The following RBIS variants were observed in gnomAD, a reference collection of about 807,000 sequenced individuals.
RBIS encodes the protein ribosome biogenesis factor identified in screen.
In RBIS, 9 loss-of-function variants were observed where a neutral mutation model predicts 9.8. That is an observed-to-expected ratio of 0.92 (90% confidence interval 0.56 to 1.61). The LOEUF is 1.61. RBIS is among the 40% of genes most tolerant of loss of function. The pLI, the probability that RBIS is intolerant of heterozygous loss-of-function variation, is 0.00. For missense variants in RBIS, 103 were observed against 116.0 expected, an observed-to-expected ratio of 0.89 and a Z score of 0.51; for synonymous variants, 35 against 37.9, an observed-to-expected ratio of 0.92 and a Z score of 0.28.
At chr8:85,216,900 GA>G (rs764049672) in intron 2 of RBIS, 2 of 161,654 alleles carry the variant, frequency 1.2e-5, no homozygotes, top group African/African-American at 2.4e-5. Flanking sequence ...TATAAACAAA[GA>G]AAAGAAACCC....
At position 85,214,592 on chromosome 8, in the gene RBIS, CAACATT is replaced by C. The variant is rs112611553; in HGVS notation, c.265_270del (p.Asn89_Val90del). The C allele has an allele frequency of 3.3e-3, 5,292 of 1,585,558 alleles. 15 individuals are homozygous for C. The highest frequency in any genetic ancestry group is 0.011 in the Middle Eastern group (69 of 6,008). On this transcript the variant is annotated inframe_deletion, in exon 4 of 4. Coordinates refer to ENST00000619594, the MANE Select transcript of RBIS (RefSeq NM_001099673.3). ...AGAGCCATTAATCTTGTAGCTTCAT[CAACATT>C]AACTGGTTTGCTTTCATGACGCTGC...
chr8:85,216,287 C>T (rs562870790), intron 2 of RBIS: 1 of 152,298 alleles, frequency 6.6e-6, no homozygotes, highest in Non-Finnish European at 1.5e-5. Context: ...CCTCGCAGTC[C>T]TCCTCTTGAG....
intron 2 of RBIS, 193 bp downstream of exon 2, chr8:85,217,193 T>C (rs1813185139): frequency 1.5e-6 from 1 of 651,038 alleles, no homozygotes; most frequent in Non-Finnish European, 2.7e-6. Flanking sequence ...TTTTCAACAT[T>C]TGTTTTCAAG....
intron 1 of RBIS, chr8:85,219,331 C>T (rs1339450018): frequency 1.3e-5 from 2 of 152,146 alleles, no homozygotes; most frequent in Non-Finnish European, 2.9e-5. Flanking sequence ...ACTGAAACAG[C>T]AATGCTTTTG....
At chr8:85,218,882 CCATT>C (rs1363947742) in intron 1 of RBIS, 1 of 152,172 alleles carries the variant, frequency 6.6e-6, no homozygotes. Flanking sequence ...ACAGTTATGT[CCATT>C]CAATCATATG....
chr8:85,217,300 A>C, intron 2 of RBIS, 86 bp downstream of exon 2: 1 of 822,896 alleles, frequency 1.2e-6, no homozygotes, highest in Non-Finnish European at 2.1e-6. Flanking sequence ...AACCTTTTTA[A>C]AAAGTAATAG....
At chr8:85,216,263 C>G (rs1364093532) in intron 2 of RBIS, 1 of 152,212 alleles carries the variant, frequency 6.6e-6, no homozygotes, top group Non-Finnish European at 1.5e-5. Context: ...TGGAAGACCC[C>G]TGATGACAGC....
Position 85,214,933 on chromosome 8 carries a change from C to A in RBIS, c.219G>T (p.Leu73=). 1 of 1,560,970 alleles carries A rather than the reference C, an allele frequency of 6.4e-7. No homozygotes were observed. The highest frequency in any genetic ancestry group is 1.4e-5 in the African/African-American group (1 of 73,360). Residue 73 remains leucine, a synonymous_variant, in exon 3 of 4, where the codon CTG becomes CTT. Coordinates refer to ENST00000619594, the MANE Select transcript of RBIS (RefSeq NM_001099673.3). The part of the protein sequence containing the change: ...HFAKSISLEP[L]QKELIPQQRH... ...GATTTCTGCTTACCAGTTCTTTCTG[C>A]AGAGGTTCAAGTGAAATGCTTTTTG...
rs554714958 is a variant in RBIS, at chr8:85,220,348, A to G, written c.-46T>C. The G allele has an allele frequency of 6.6e-6, 1 of 152,352 alleles. No homozygotes were observed. Among genetic ancestry groups the G allele is most frequent in the East Asian group, 1.9e-4 (1 of 5,180 alleles). 9.4% of individuals were successfully genotyped at this position (152,352 alleles called of 1,614,324 possible). A position where few individuals can be genotyped will look rare whatever the true frequency, so the allele number is the denominator to read the frequency against. On this transcript the variant is annotated 5_prime_UTR_variant, in exon 1 of 4. Coordinates refer to ENST00000619594, the MANE Select transcript of RBIS (RefSeq NM_001099673.3). ...CGTGCAGCTTTTTAAGCTCCAGGTA[A>G]CACCATCTGGCACGTACGGCGTCTA...
intron 2 of RBIS, 149 bp downstream of exon 2, chr8:85,217,237 A>AT (rs767517637): frequency 7.5e-6 from 5 of 665,342 alleles, no homozygotes; most frequent in South Asian, 1.7e-5. Flanking sequence ...TTTTTTTTAT[A>AT]TTTTTTTAGA....
At chr8:85,216,955 TAC>T (rs1813175623) in intron 2 of RBIS, 1 of 217,634 alleles carries the variant, frequency 4.6e-6, no homozygotes, top group Non-Finnish European at 8.9e-6. Context: ...ATCTTCATTT[TAC>T]AGGTTTTTGT....
chr8:85,218,568 T>C (rs1813235707), intron 1 of RBIS: 1 of 152,112 alleles, frequency 6.6e-6, no homozygotes, highest in Non-Finnish European at 1.5e-5. Flanking sequence ...TAAAGTTTAA[T>C]TGGAGGCCAA....
In RBIS at chr8:85,215,010, T is replaced by A. The variant is rs143705255; in HGVS notation, c.142A>T (p.Asn48Tyr). ...TTTACAAAAGCTTTATTTACTCTGT[T>A]AACTTTTTCCTCATTCATAATGTTT... is the stretch of plus-strand genomic sequence containing the variant. ...KINIMNEEKV[N>Y]RVNKAFVNVQ... The change falls in exon 3 of 4, where the codon AAC becomes TAC. Residue 48 changes from asparagine (N) to tyrosine (Y), a missense_variant. Physicochemically the swap from Asn to Tyr is moderately radical, Grantham distance 143. Transcript: ENST00000619594. 769 of 1,529,136 alleles carry A rather than the reference T, an allele frequency of 5.0e-4. 5 individuals carry two copies. The African/African-American group carries it at 7.2e-3, about 14-fold the overall frequency. The allele number at this position is 1,529,136 out of a possible 1,614,324, so 94.7% of individuals were successfully genotyped here. A position where few individuals can be genotyped will look rare whatever the true frequency, so the allele number is the denominator to read the frequency against.
chr8:85,217,470 C>A lies in RBIS; in HGVS notation c.30G>T (p.Lys10Asn). Residue 10 changes from lysine to asparagine, a missense_variant, in exon 2 of 4, where the codon AAG becomes AAT. Physicochemically the swap from Lys to Asn is moderately conservative, Grantham distance 94 (BLOSUM62 0). Transcript: ENST00000619594. MAKNKLRGP[K>N]SRNVFHIASQ... ...TGGCTATGTGAAATACATTCCTGGA[C>A]TTCGGCCCTCTTAATTTGTTCTTGG... The A allele has an allele frequency of 6.2e-7, 1 of 1,611,900 alleles. No homozygotes were observed. Among genetic ancestry groups the A allele is most frequent in the South Asian group, 1.1e-5 (1 of 90,988 alleles).
intron 1 of RBIS, chr8:85,219,410 C>A (rs1167233607): frequency 6.6e-6 from 1 of 152,048 alleles, no homozygotes; most frequent in Non-Finnish European, 1.5e-5. Flanking sequence ...ACAGAAGATG[C>A]AAAAAATAAA....
chr8:85,217,793 T>C (rs1310005490), intron 1 of RBIS: 2 of 379,342 alleles, frequency 5.3e-6, no homozygotes, highest in African/African-American at 2.1e-5. Flanking sequence ...ATAACTGTTA[T>C]TCTCAGCAGT....
chr8:85,219,200 C>T (rs920302181), intron 1 of RBIS: 3 of 152,252 alleles, frequency 2.0e-5, no homozygotes, highest in Non-Finnish European at 4.4e-5. Context: ...TAACTGTTCT[C>T]TTGCACAGAC....
rs1813054052 is a variant in RBIS, at chr8:85,214,589, C to T, written c.274G>A (p.Glu92Lys). The T allele has an allele frequency of 6.3e-7, 1 of 1,584,346 alleles. No homozygotes were observed. The highest frequency in any genetic ancestry group is 2.2e-5 in the East Asian group (1 of 44,648). ...RHESKPVNVD[E>K]ATRLMALL is the part of the protein sequence containing the mutation. Reference sequence around the variant, plus strand: ...AACAGAGCCATTAATCTTGTAGCTTCATCAACATTAACTGGTTTGCTTTCA... The same window carrying T: ...AACAGAGCCATTAATCTTGTAGCTTTATCAACATTAACTGGTTTGCTTTCA... The change falls in exon 4 of 4, where the codon GAA becomes AAA. Residue 92 changes from glutamate to lysine, a missense_variant. Coordinates refer to ENST00000619594, the MANE Select transcript of RBIS (RefSeq NM_001099673.3).
At chr8:85,218,090 C>A (rs1424330516) in intron 1 of RBIS, among the ~76,000 whole-genome samples, 1 of 152,114 alleles carries the variant, frequency 6.6e-6, no homozygotes, top group Non-Finnish European at 1.5e-5. Flanking sequence ...ATGCATTAAG[C>A]CAGTAAATTC....
Sources: allele counts gnomAD v4.1 joint callset (sites outside exome capture counted in the v4.1 genomes callset), GRCh38; gene constraint gnomAD v4.1.1; transcripts MANE v1.5; gene names NCBI Gene and HGNC (gene_info 2026-07-23, HGNC 2026-07-21).